PRDM10: variants seen among roughly 807,000 people sequenced by gnomAD.
The protein encoded by PRDM10 is PR/SET domain 10, also known as PR domain zinc finger protein 10.
PRDM10 carries 65 observed loss-of-function variants against 133.1 expected under a neutral mutation model. The ratio of observed to expected loss-of-function variants is 0.49; its 90% confidence interval spans 0.40 to 0.60. PRDM10 has a LOEUF of 0.60. Ranked by LOEUF, PRDM10 falls within the 20% of genes least tolerant of loss-of-function variation. The pLI, the probability that PRDM10 is intolerant of heterozygous loss-of-function variation, is 0.00. For missense variants in PRDM10, 1,137 were observed against 1,507.1 expected (o/e 0.75, Z 4.07); for synonymous variants, 582 against 580.4 (o/e 1.00, Z -0.04).
At chr11:129,975,909 A>G (rs541934383) in intron 1 of PRDM10, among the ~76,000 whole-genome samples, 2 of 152,292 alleles carry the variant, frequency 1.3e-5, no homozygotes, top group Non-Finnish European at 2.9e-5. Context: ...CCCCAGTCTC[A>G]CTATCCCACT....
At chr11:129,964,808 G>A (rs1440621690) in intron 1 of PRDM10, among the ~76,000 whole-genome samples, 3 of 152,136 alleles carry the variant, frequency 2.0e-5, no homozygotes, top group African/African-American at 7.2e-5. Flanking sequence ...TGGAATCTCT[G>A]AGGGAAGATA....
At chr11:129,962,804 T>C (rs1197376928) in intron 1 of PRDM10, among the ~76,000 whole-genome samples, 3 of 152,144 alleles carry the variant, frequency 2.0e-5, no homozygotes, top group Non-Finnish European at 4.4e-5. Context: ...TTTCCTATGG[T>C]ATATAAACTA....
At chr11:129,932,942 A>AT (rs1950917158) in intron 9 of PRDM10, among the ~76,000 whole-genome samples, 1 of 151,884 alleles carries the variant, frequency 6.6e-6, no homozygotes, top group African/African-American at 2.4e-5. Flanking sequence ...ATTTTATTTA[A>AT]TTTTTTGTAG....
rs557947938 is a variant in PRDM10 at position 129,905,164 on chromosome 11, T to G, written c.3267+474A>C. Among the ~76,000 whole-genome samples, 4 of 151,988 alleles carry G rather than the reference T, an allele frequency of 2.6e-5. No individual in the cohort carries two copies. In the South Asian group the frequency reaches 8.3e-4, roughly 32 times the overall value. ...GGATCATGAGGTCAGGAGATCAAGA[T>G]CATACTGGCCAGCATGGTGAAACCC... On this transcript the variant is annotated intron_variant, in intron 20 of 20. Transcript: ENST00000360871.
At chr11:129,954,898 A>C (rs990433922) in intron 4 of PRDM10, among the ~76,000 whole-genome samples, 7 of 152,064 alleles carry the variant, frequency 4.6e-5, no homozygotes, top group African/African-American at 1.7e-4. Flanking sequence ...GTCTCAAACG[A>C]TTCTCCCACC....
rs746297663 is a variant in PRDM10 at position 129,930,997 on chromosome 11, G to T, written c.1530+19C>A. 4 of 1,580,902 alleles carry T rather than the reference G, an allele frequency of 2.5e-6. No homozygotes were observed. The highest frequency in any genetic ancestry group is 1.2e-5 in the South Asian group (1 of 86,608). On this transcript the variant is annotated intron_variant, in intron 11 of 20. Transcript: ENST00000360871. The stretch of plus-strand genomic sequence containing the variant: ...AGATGAGCGGCTGGTGCCAGGAGCC[G>T]CCGGCTTTCCCCACTTACTCGGATG...
intron 11 of PRDM10, among the ~76,000 whole-genome samples, chr11:129,927,176 CAAAAAAAAAA>C (rs57015735): frequency 1.3e-5 from 1 of 79,370 alleles, no homozygotes; most frequent in African/African-American, 4.3e-5. Context: ...GACTCTGTCT[CAAAAAAAAAA>C]AAAAAAAAAA....
At chr11:129,953,228 T>C (rs1194680992) in intron 4 of PRDM10, among the ~76,000 whole-genome samples, 1 of 152,110 alleles carries the variant, frequency 6.6e-6, no homozygotes, top group African/African-American at 2.4e-5. Flanking sequence ...TCCGCCCACC[T>C]TGGCTTCCCA....
Position 129,947,755 on chromosome 11 carries a change from GT to G in PRDM10, c.295-386del. On this transcript the variant is annotated intron_variant, in intron 4 of 20. Transcript: ENST00000360871. The surrounding 1 kb of genome is among the most constrained non-coding windows in gnomAD (Gnocchi z 4.6). Reference sequence around the variant, plus strand: ...TGGTCTCTTCCTGGCTCATTCAGCCGTTTCACACTGCTTGAGAGGCCTGCCC... The same window carrying G: ...TGGTCTCTTCCTGGCTCATTCAGCCGTTCACACTGCTTGAGAGGCCTGCCC... 2 of 381,538 alleles carry G rather than the reference GT, an allele frequency of 5.2e-6. No individual in the cohort carries two copies. Among genetic ancestry groups the G allele is most frequent in the Non-Finnish European group, 9.9e-6 (2 of 202,948 alleles). 23.6% of individuals were successfully genotyped at this position (381,538 alleles called of 1,614,324 possible).
At chr11:129,954,201 ATCT>A (rs1951649831) in intron 4 of PRDM10, among the ~76,000 whole-genome samples, 1 of 151,086 alleles carries the variant, frequency 6.6e-6, no homozygotes, top group Non-Finnish European at 1.5e-5. Context: ...AAGCATACAA[ATCT>A]TCTACCAAGA....
At chr11:129,931,579 T>C in intron 10 of PRDM10, among the ~76,000 whole-genome samples, 1 of 150,154 alleles carries the variant, frequency 6.7e-6, no homozygotes, top group South Asian at 2.1e-4. Context: ...TTATTTTATT[T>C]TTTTTTTGAG....
chr11:129,999,938 C>T (rs1202258274), intron 1 of PRDM10, among the ~76,000 whole-genome samples: 1 of 151,564 alleles, frequency 6.6e-6, no homozygotes, highest in African/African-American at 2.4e-5. Flanking sequence ...GTCGTTTGTA[C>T]AAATATTTTA....
At chr11:129,962,095 A>T (rs1465210365) in intron 1 of PRDM10, among the ~76,000 whole-genome samples, 2 of 152,188 alleles carry the variant, frequency 1.3e-5, no homozygotes, top group Non-Finnish European at 2.9e-5. Flanking sequence ...TTTTTTTCTC[A>T]CATGGTCAGT....
At position 129,914,942 on chromosome 11, in the gene PRDM10, G is replaced by A. The variant is rs775900388; in HGVS notation, c.2603C>T (p.Thr868Met). The change falls in exon 17 of 21, where the codon ACG (threonine) becomes ATG (methionine). Residue 868 changes from threonine to methionine, a missense_variant. Physicochemically the swap from Thr to Met is moderately conservative, Grantham distance 81. Around this residue, in one of 6 missense-constraint regions of PRDM10, gnomAD observed 113 missense variants for 143.7 expected, o/e 0.79. Coordinates refer to ENST00000360871, the MANE Select transcript of PRDM10 (RefSeq NM_199437.2). Reference protein sequence around the residue: ...QLSNTIHTPLTTAVISATPAV... With the variant: ...QLSNTIHTPLMTAVISATPAV... ...TGGGGTGGCACTGATCACAGCTGTC[G>A]TCAGTGGTGTGTGTATGGTGTTGGA... 51 of 1,614,058 alleles carry A rather than the reference G, an allele frequency of 3.2e-5. No individual in the cohort carries two copies. Among genetic ancestry groups the A allele is most frequent in the East Asian group, 2.9e-4 (13 of 44,898 alleles).
At position 129,918,485 on chromosome 11, in the gene PRDM10, C is replaced by T; in HGVS notation, c.2214+54G>A. 1.3e-6 allele frequency: 2 copies of T among 1,559,270 alleles called. No individual in the cohort carries two copies. Among genetic ancestry groups the T allele is most frequent in the South Asian group, 1.2e-5 (1 of 84,594 alleles). ...GCAACACAAACGTCACCATCATCGA[C>T]AGCAATGAGGTATGCTGGGAAGACA... On this transcript the variant is annotated intron_variant, in intron 14 of 20. Coordinates refer to ENST00000360871, the MANE Select transcript of PRDM10 (RefSeq NM_199437.2). The surrounding 1 kb of genome is among the most constrained non-coding windows in gnomAD (Gnocchi z 5.3).
chr11:129,977,871 C>G (rs541762918), intron 1 of PRDM10, among the ~76,000 whole-genome samples: 18 of 151,846 alleles, frequency 1.2e-4, no homozygotes, highest in Non-Finnish European at 2.2e-4. Context: ...GTGGGAGGAT[C>G]GTTTGAGCAC....
chr11:129,919,068 T>G (rs576811154), intron 13 of PRDM10, among the ~76,000 whole-genome samples: 1 of 152,246 alleles, frequency 6.6e-6, no homozygotes, highest in Admixed American at 6.5e-5. Context: ...CAGGTAATAT[T>G]AGATTTTAGA....
chr11:129,936,477 C>T (rs528207423), intron 8 of PRDM10, among the ~76,000 whole-genome samples: 63 of 152,048 alleles, frequency 4.1e-4, no homozygotes, highest in African/African-American at 1.4e-3. Flanking sequence ...CACAGTGAAA[C>T]CCTGTCTCTA....
At chr11:129,942,390 C>A (rs770458236) in intron 7 of PRDM10, 36 bp downstream of exon 7, 2 of 1,581,412 alleles carry the variant, frequency 1.3e-6, no homozygotes, top group African/African-American at 2.7e-5. Context: ...ATCACTCTTG[C>A]TAGCAAATAG....
Sources: gnomAD v4.1 joint callset for allele counts (sites outside exome capture counted in the v4.1 genomes callset) on GRCh38, gnomAD v4.1.1 for gene constraint, gnomAD v4.1.1 regional missense constraint, Gnocchi (gnomAD v3.1) non-coding constraint, MANE v1.5 for transcripts, NCBI Gene and HGNC (gene_info 2026-07-23, HGNC 2026-07-21) for gene names.